The following CDKAL1 variants were observed in gnomAD, a reference collection of about 807,000 sequenced individuals.
CDKAL1 encodes the protein CDKAL1 threonylcarbamoyladenosine tRNA methylthiotransferase.
A neutral mutation model predicts 68.2 loss-of-function variants in CDKAL1; 32 were observed. That is an observed-to-expected ratio of 0.47 (90% CI 0.35 to 0.63). The LOEUF (loss-of-function observed/expected upper bound fraction) is 0.63, where lower values mean the gene tolerates loss of function less well. CDKAL1 is among the 30% of genes least tolerant of loss of function. The pLI, the probability that CDKAL1 is intolerant of heterozygous loss-of-function variation, is 0.00. For synonymous variants in CDKAL1, 234 were observed against 244.3 expected (o/e 0.96, Z 0.39); for missense variants, 606 against 696.7 (o/e 0.87, Z 1.47).
chr6:20,634,995 A>T (rs1767839082), intron 4 of CDKAL1, among the ~76,000 whole-genome samples: 1 of 151,464 alleles, frequency 6.6e-6, no homozygotes, highest in Non-Finnish European at 1.5e-5. Flanking sequence ...AAAAAAAAAA[A>T]AAAGAAGAAA....
chr6:20,902,338 C>T (rs1414694548), intron 9 of CDKAL1, among the ~76,000 whole-genome samples: 1 of 150,404 alleles, frequency 6.6e-6, no homozygotes, highest in African/African-American at 2.5e-5. Flanking sequence ...CACACACACA[C>T]ACACACACAC....
chr6:20,655,640 C>G (rs1474747943), intron 5 of CDKAL1, among the ~76,000 whole-genome samples: 1 of 152,174 alleles, frequency 6.6e-6, no homozygotes, highest in Non-Finnish European at 1.5e-5. Context: ...TTATAAGAAT[C>G]TAAACTAATG....
intron 10 of CDKAL1, among the ~76,000 whole-genome samples, chr6:20,963,322 G>T (rs1343676822): frequency 1.3e-5 from 2 of 149,096 alleles, no homozygotes; most frequent in Non-Finnish European, 3.0e-5. Context: ...AAAAAAAAAA[G>T]ACTTGCATCT....
At chr6:21,025,870 G>A (rs1415413965) in intron 11 of CDKAL1, among the ~76,000 whole-genome samples, 1 of 152,012 alleles carries the variant, frequency 6.6e-6, no homozygotes, top group Non-Finnish European at 1.5e-5. Context: ...AGAATACAAT[G>A]CATGTTAAAT....
intron 10 of CDKAL1, among the ~76,000 whole-genome samples, chr6:20,966,100 C>CA (rs143442697): frequency 0.096 from 14,529 of 152,064 alleles, 1,177 homozygotes; most frequent in African/African-American, 0.23. Context: ...CTAGAACAGA[C>CA]GGGGGTAATG....
At position 20,581,422 on chromosome 6, in the gene CDKAL1, T is replaced by C. The variant is rs545667271; in HGVS notation, c.286+32717T>C. ...AGTCCTGTCTTTCATTCTTACAAAG[T>C]GTTCATCCTTTTAAGTTCCTTGTTA... On this transcript the variant is annotated intron_variant, in intron 4 of 15. Transcript: ENST00000274695. 9.8e-5 allele frequency among the ~76,000 whole-genome samples: 15 copies of C among 152,370 alleles called. 1 individual carries two copies. The South Asian group carries it at 2.9e-3, about 29-fold the overall frequency.
At chr6:20,732,673 C>T (rs1215096643) in intron 5 of CDKAL1, among the ~76,000 whole-genome samples, 1 of 152,118 alleles carries the variant, frequency 6.6e-6, no homozygotes, top group African/African-American at 2.4e-5. Flanking sequence ...TTAAGCCCCT[C>T]TGATGCGTGT....
chr6:21,068,081 C>G (rs1397956179), intron 12 of CDKAL1, among the ~76,000 whole-genome samples: 4 of 152,050 alleles, frequency 2.6e-5, no homozygotes, highest in African/African-American at 9.7e-5. Context: ...CCCTTACCCC[C>G]AATTTATAGG....
chr6:21,025,403 T>G (rs976051117), intron 11 of CDKAL1, among the ~76,000 whole-genome samples: 10 of 152,216 alleles, frequency 6.6e-5, no homozygotes, highest in Admixed American at 5.2e-4. Context: ...TGTTTTGGTT[T>G]GGTTTGGTTT....
At chr6:20,624,659 C>T (rs1416793725) in intron 4 of CDKAL1, among the ~76,000 whole-genome samples, 2 of 151,714 alleles carry the variant, frequency 1.3e-5, no homozygotes, top group Admixed American at 6.6e-5. Flanking sequence ...CCCATTTTTA[C>T]AATTGACGAG....
At chr6:20,661,319 T>C (rs9460545) in intron 5 of CDKAL1, among the ~76,000 whole-genome samples, 60,150 of 151,968 alleles carry the variant, frequency 0.4, 13,023 homozygotes, top group African/African-American at 0.58. Flanking sequence ...AATTTTTTCC[T>C]CATGAGTTTG....
chr6:20,939,490 TC>T (rs1763875039), intron 9 of CDKAL1, among the ~76,000 whole-genome samples: 1 of 152,222 alleles, frequency 6.6e-6, no homozygotes, highest in African/African-American at 2.4e-5. Context: ...AAATGGTTTT[TC>T]CTAGAAGAGA....
chr6:21,072,676 C>CTTTTTTTTTTTTTTTTTT (rs66763305), intron 12 of CDKAL1, among the ~76,000 whole-genome samples: 1 of 131,196 alleles, frequency 7.6e-6, no homozygotes, highest in Non-Finnish European at 1.6e-5. Context: ...AATAGAGTAT[C>CTTTTTTTTTTTTTTTTTT]TTTTTTTTTT....
intron 9 of CDKAL1, among the ~76,000 whole-genome samples, chr6:20,931,496 T>C (rs1310698298): frequency 6.6e-6 from 1 of 152,220 alleles, no homozygotes; most frequent in Non-Finnish European, 1.5e-5. Context: ...GAATAAGAAC[T>C]ACTTGAACAA....
At chr6:21,062,421 TTTTA>T (rs1190446983) in intron 11 of CDKAL1, among the ~76,000 whole-genome samples, 1 of 152,222 alleles carries the variant, frequency 6.6e-6, no homozygotes, top group Non-Finnish European at 1.5e-5. Context: ...AAAATGGTCT[TTTTA>T]TTTATAGCTT....
At chr6:20,784,614 G>A (rs1412242560) in intron 8 of CDKAL1, among the ~76,000 whole-genome samples, 2 of 151,216 alleles carry the variant, frequency 1.3e-5, no homozygotes, top group African/African-American at 2.4e-5. Flanking sequence ...TAGTAAAGAC[G>A]GGGTTTCACC....
intron 9 of CDKAL1, among the ~76,000 whole-genome samples, chr6:20,938,042 A>T (rs1763804522): frequency 6.6e-6 from 1 of 152,156 alleles, no homozygotes; most frequent in Admixed American, 6.5e-5. Flanking sequence ...TTCAGTAATT[A>T]AAATTATATT....
chr6:20,811,205 T>G (rs1485905939), intron 8 of CDKAL1, among the ~76,000 whole-genome samples: 1 of 152,180 alleles, frequency 6.6e-6, no homozygotes, highest in African/African-American at 2.4e-5. Flanking sequence ...TTTCACTGAT[T>G]TTTTAGGTCA....
chr6:20,576,080 T>G (rs1164737664), intron 4 of CDKAL1, among the ~76,000 whole-genome samples: 1 of 152,212 alleles, frequency 6.6e-6, no homozygotes, highest in African/African-American at 2.4e-5. Flanking sequence ...TCTTTTATAT[T>G]GTATTAAACA....
Sources: allele counts gnomAD v4.1 joint callset (sites outside exome capture counted in the v4.1 genomes callset), GRCh38; gene constraint gnomAD v4.1.1; transcripts MANE v1.5; gene names NCBI Gene and HGNC (gene_info 2026-07-23, HGNC 2026-07-21).